The following ZMYM2 variants were observed in gnomAD, a reference collection of about 807,000 sequenced individuals.
ZMYM2 encodes zinc finger MYM-type containing 2.
Under a neutral mutation model 162.8 loss-of-function variants are expected in ZMYM2, and 56 were observed. The observed-to-expected ratio is 0.34, with a 90% CI of 0.28 to 0.43. ZMYM2 has a LOEUF of 0.43. Ranked by LOEUF, ZMYM2 falls within the 20% of genes least tolerant of loss-of-function variation. The pLI is 1.00. For synonymous variants in ZMYM2, 510 were observed against 541.6 expected, an observed-to-expected ratio of 0.94 and a Z score of 0.81; for missense variants, 1,275 against 1,621.8, an observed-to-expected ratio of 0.79 and a Z score of 3.67.
the ZMYM2 span, among the ~76,000 whole-genome samples, chr13:19,870,962 A>T: frequency 0.011 from 1,705 of 152,252 alleles, 29 homozygotes; most frequent in African/African-American, 0.039. Flanking sequence ...ATTAGAAGCA[A>T]GTCACTAAGT....
chr13:19,992,463 G>T (rs1402057586), intron 2 of ZMYM2, among the ~76,000 whole-genome samples: 1 of 152,110 alleles, frequency 6.6e-6, no homozygotes, highest in African/African-American at 2.4e-5. Flanking sequence ...GCTACTTGGA[G>T]GTGGGAGGAT....
chr13:19,967,815 T>A (rs1168290351), intron 2 of ZMYM2, among the ~76,000 whole-genome samples: 1 of 152,222 alleles, frequency 6.6e-6, no homozygotes, highest in African/African-American at 2.4e-5. Context: ...GCTGCAATTC[T>A]TAAACTGTCT....
At position 20,058,799 on chromosome 13, in the gene ZMYM2, T is replaced by C. The variant is rs748029243; in HGVS notation, c.2623+95T>C. The C allele has an allele frequency of 6.7e-6, 10 of 1,497,338 alleles. No individual in the cohort carries two copies. In the East Asian group the frequency reaches 2.3e-4, roughly 34 times the overall value. 92.8% of individuals were successfully genotyped at this position (1,497,338 alleles called of 1,614,324 possible). A position where few individuals can be genotyped will look rare whatever the true frequency, so the allele number is the denominator to read the frequency against. On this transcript the variant is annotated intron_variant, in intron 15 of 24. Coordinates refer to ENST00000610343, the MANE Select transcript of ZMYM2 (RefSeq NM_197968.4). ...CTTGAATGACACCTCCAGGATAGAT[T>C]CATTTGGTCAATTTGTCATTTTCTG...
intron 4 of ZMYM2, among the ~76,000 whole-genome samples, chr13:20,003,389 G>A (rs565430499): frequency 1.3e-5 from 2 of 152,152 alleles, no homozygotes; most frequent in African/African-American, 2.4e-5. Flanking sequence ...TTAATGAGAA[G>A]AAATTAGTTC....
chr13:19,947,451 CTTTT>C, the ZMYM2 span, among the ~76,000 whole-genome samples: 1 of 130,054 alleles, frequency 7.7e-6, no homozygotes, highest in Admixed American at 7.6e-5. Flanking sequence ...TCTTCTTCGT[CTTTT>C]TTTTTTTTTT....
At chr13:19,925,298 T>G in the ZMYM2 span, among the ~76,000 whole-genome samples, 3 of 152,214 alleles carry the variant, frequency 2.0e-5, no homozygotes, top group South Asian at 6.2e-4. Context: ...TTAAAGGACT[T>G]CTTTTATAGC....
At chr13:19,883,189 A>G in the ZMYM2 span, among the ~76,000 whole-genome samples, 1 of 152,202 alleles carries the variant, frequency 6.6e-6, no homozygotes, top group Non-Finnish European at 1.5e-5. Context: ...AAGTATCTCA[A>G]ATAAGTAAAC....
intron 2 of ZMYM2, among the ~76,000 whole-genome samples, 188 bp from the exon 3 acceptor site, chr13:19,992,875 A>G (rs919076025): frequency 4.0e-5 from 6 of 151,636 alleles, no homozygotes; most frequent in Non-Finnish European, 7.4e-5. Context: ...TTATCCTGCA[A>G]AAGTTAACAT....
the ZMYM2 span, among the ~76,000 whole-genome samples, chr13:19,875,655 ATG>A: frequency 7.0e-6 from 1 of 143,118 alleles, no homozygotes; most frequent in African/African-American, 2.6e-5. Context: ...AAAAAAAATT[ATG>A]TTATTGTTTC....
chr13:19,884,718 G>C, the ZMYM2 span, among the ~76,000 whole-genome samples: 7 of 151,976 alleles, frequency 4.6e-5, no homozygotes, highest in African/African-American at 1.5e-4. Context: ...TCCTGGTCCA[G>C]AAAAAAAGAC....
At chr13:19,922,079 T>G in the ZMYM2 span, among the ~76,000 whole-genome samples, 14 of 152,116 alleles carry the variant, frequency 9.2e-5, no homozygotes, top group South Asian at 2.9e-3. Flanking sequence ...ACGCTCACCT[T>G]ATTTTTTGTA....
intron 3 of ZMYM2, among the ~76,000 whole-genome samples, chr13:20,000,575 A>G (rs1594278896): frequency 1.3e-5 from 2 of 152,234 alleles, no homozygotes; most frequent in African/African-American, 4.8e-5. Context: ...CAGTGGAACA[A>G]CAAAGCCCCG....
chr13:19,883,234 G>T, the ZMYM2 span, among the ~76,000 whole-genome samples: 57 of 152,246 alleles, frequency 3.7e-4, no homozygotes, highest in Admixed American at 1.2e-3. Flanking sequence ...TGGTTTCCAG[G>T]GGGTGGAAAA....
intron 19 of ZMYM2, 70 bp from the exon 20 acceptor site, chr13:20,066,781 T>G (rs1956713368): frequency 1.5e-6 from 2 of 1,377,100 alleles, no homozygotes; most frequent in Non-Finnish European, 9.5e-7. Flanking sequence ...TGTTGAGAGA[T>G]GGCTTGTATA....
At chr13:19,987,333 G>A (rs566226812) in intron 2 of ZMYM2, among the ~76,000 whole-genome samples, 9 of 151,438 alleles carry the variant, frequency 5.9e-5, no homozygotes, top group Admixed American at 3.9e-4. Flanking sequence ...GCGCAATCTC[G>A]GCTCACGGCA....
chr13:19,954,729 A>G (rs1954477440), upstream of ZMYM2, among the ~76,000 whole-genome samples: 2 of 152,168 alleles, frequency 1.3e-5, no homozygotes, highest in Admixed American at 6.6e-5. Flanking sequence ...TTATATATCA[A>G]TAAGTAATAT....
In ZMYM2 at chr13:20,082,980, C is replaced by A; in HGVS notation, c.3768C>A (p.Asn1256Lys). Reference protein sequence around the residue: ...HWKKNPLTMENKACLRYQVSS... With the variant: ...HWKKNPLTMEKKACLRYQVSS... ...AAAAAAATCCTTTAACGATGGAAAACAAAGCGTGTCTTCGATACCAAGTGT... is the reference window on the plus strand; with the variant it reads ...AAAAAAATCCTTTAACGATGGAAAAAAAAGCGTGTCTTCGATACCAAGTGT... The change falls in exon 23 of 25, where the codon AAC (asparagine) becomes AAA (lysine). Residue 1256 changes from asparagine (N) to lysine (K), a missense_variant. Asn to Lys is a moderately conservative substitution (Grantham distance 94). Transcript: ENST00000610343. 1 of 1,613,916 alleles carries A rather than the reference C, an allele frequency of 6.2e-7. No homozygotes were observed. The highest frequency in any genetic ancestry group is 8.5e-7 in the Non-Finnish European group (1 of 1,179,828).
At chr13:20,007,865 C>G (rs771046262) in intron 6 of ZMYM2, among the ~76,000 whole-genome samples, 19 of 152,014 alleles carry the variant, frequency 1.2e-4, no homozygotes, top group Non-Finnish European at 2.8e-4. Flanking sequence ...AAGTGGTCTC[C>G]GTGCCTCGGC....
the ZMYM2 span, among the ~76,000 whole-genome samples, chr13:19,930,676 A>AT: frequency 6.6e-6 from 1 of 150,802 alleles, no homozygotes; most frequent in Non-Finnish European, 1.5e-5. Context: ...AATAGCTGGG[A>AT]TTACAGACGA....
Sources: gnomAD v4.1 joint callset for allele counts (sites outside exome capture counted in the v4.1 genomes callset) on GRCh38, gnomAD v4.1.1 for gene constraint, MANE v1.5 for transcripts, NCBI Gene and HGNC (gene_info 2026-07-23, HGNC 2026-07-21) for gene names.